ULK4: variants seen among roughly 807,000 people sequenced by gnomAD.
ULK4 encodes the protein unc-51 like kinase 4.
Under a neutral mutation model 160.6 loss-of-function variants are expected in ULK4, and 133 were observed. That is an observed-to-expected ratio of 0.83 (90% CI 0.72 to 0.96). The LOEUF (loss-of-function observed/expected upper bound fraction) is 0.96, where lower values mean the gene tolerates loss of function less well. ULK4 is among the 40% of genes least tolerant of loss of function. The probability of loss-of-function intolerance (pLI) is 0.00; values close to 1 mark genes in which losing one functional copy is unlikely to be tolerated. For missense variants in ULK4, 1,580 were observed against 1,499.5 expected, an observed-to-expected ratio of 1.05 and a Z score of -0.89; for synonymous variants, 534 against 539.8, an observed-to-expected ratio of 0.99 and a Z score of 0.15.
chr3:41,581,627 G>A (rs2125630894), intron 31 of ULK4, among the ~76,000 whole-genome samples: 1 of 152,258 alleles, frequency 6.6e-6, no homozygotes, highest in African/African-American at 2.4e-5. Context: ...ATGAACAGCA[G>A]GCTAGGCCAG....
Position 41,895,555 on chromosome 3 carries a change from G to A in ULK4, c.1540C>T (p.Leu514=). The A allele has an allele frequency of 6.6e-7, 1 of 1,510,048 alleles. No individual in the cohort carries two copies. The highest frequency in any genetic ancestry group is 8.9e-7 in the Non-Finnish European group (1 of 1,129,092). The allele number at this position is 1,510,048 out of a possible 1,614,324, so 93.5% of individuals were successfully genotyped here. The change falls in exon 16 of 37, where the codon CTA becomes TTA. Residue 514 remains leucine (L), a synonymous_variant. Coordinates refer to ENST00000301831, the MANE Select transcript of ULK4 (RefSeq NM_017886.4). ...RLLHSPLFQL[L]IQHLRIAPNW... ...GGAGCTATCCGCAAATGCTGGATTAGCAATTGGAACTAGAATAAGAAATTT... is the reference window on the plus strand; with the variant it reads ...GGAGCTATCCGCAAATGCTGGATTAACAATTGGAACTAGAATAAGAAATTT...
At chr3:41,577,948 G>A (rs907220598) in intron 31 of ULK4, among the ~76,000 whole-genome samples, 1 of 152,322 alleles carries the variant, frequency 6.6e-6, no homozygotes, top group African/African-American at 2.4e-5. Context: ...GCTCCCTGGA[G>A]CTGCACATTT....
chr3:41,749,940 G>A (rs115408521), intron 22 of ULK4, among the ~76,000 whole-genome samples: 426 of 152,132 alleles, frequency 2.8e-3, no homozygotes, highest in African/African-American at 9.8e-3. Flanking sequence ...CAATGAAGAA[G>A]GACAGATTCC....
At chr3:41,499,047 G>C (rs1042120083) in intron 32 of ULK4, among the ~76,000 whole-genome samples, 1 of 151,788 alleles carries the variant, frequency 6.6e-6, no homozygotes, top group Admixed American at 6.6e-5. Context: ...AAAATGCTGT[G>C]GTAAGTGAAA....
intron 22 of ULK4, among the ~76,000 whole-genome samples, chr3:41,751,542 G>T (rs1433823704): frequency 2.0e-5 from 3 of 152,134 alleles, no homozygotes; most frequent in Non-Finnish European, 2.9e-5. Context: ...AAGAGTGGAG[G>T]TCAGTGTCAG....
chr3:41,894,054 A>G (rs1698067671), intron 16 of ULK4, among the ~76,000 whole-genome samples: 1 of 152,182 alleles, frequency 6.6e-6, no homozygotes, highest in East Asian at 1.9e-4. Flanking sequence ...TCAATTTTTA[A>G]AAGTGGGGGA....
rs1270855672 is a variant in ULK4 at position 41,681,549 on chromosome 3, G to A, written c.2937C>T (p.Asp979=). Residue 979 remains aspartate (D), a synonymous_variant, in exon 29 of 37, where the codon GAC becomes GAT. Coordinates refer to ENST00000301831, the MANE Select transcript of ULK4 (RefSeq NM_017886.4). ...DGKEKASVDS[D]SNLLALIRDV... Reference sequence around the variant, plus strand: ...CTCGAATGAGAGCCAGAAGATTGCTGTCAGAATCAACACTGGCCTTCTCCT... The same window carrying A: ...CTCGAATGAGAGCCAGAAGATTGCTATCAGAATCAACACTGGCCTTCTCCT... The A allele has an allele frequency of 6.2e-7, 1 of 1,614,014 alleles. No individual in the cohort carries two copies. The highest frequency in any genetic ancestry group is 1.7e-5 in the Admixed American group (1 of 59,976).
At chr3:41,376,572 C>T (rs1241996751) in intron 35 of ULK4, among the ~76,000 whole-genome samples, 1 of 149,760 alleles carries the variant, frequency 6.7e-6, no homozygotes, top group Non-Finnish European at 1.5e-5. Flanking sequence ...CATTCTTATA[C>T]ACCAATAACA....
intron 22 of ULK4, among the ~76,000 whole-genome samples, chr3:41,732,409 T>C (rs2037861987): frequency 6.6e-6 from 1 of 151,982 alleles, no homozygotes; most frequent in Admixed American, 6.6e-5. Flanking sequence ...AAAACCACAA[T>C]GAGGTATCAC....
chr3:41,318,381 A>C (rs777822019), intron 35 of ULK4, among the ~76,000 whole-genome samples: 37 of 152,322 alleles, frequency 2.4e-4, no homozygotes, highest in Non-Finnish European at 4.7e-4. Flanking sequence ...TGCATATTTT[A>C]GTAAAAATAT....
chr3:41,523,927 T>TA (rs892381202), intron 32 of ULK4, among the ~76,000 whole-genome samples: 8 of 151,714 alleles, frequency 5.3e-5, no homozygotes, highest in East Asian at 1.9e-4. Flanking sequence ...ATCCATATAA[T>TA]AAAAAAAAAT....
chr3:41,498,955 GA>G (rs2125914428), intron 32 of ULK4, among the ~76,000 whole-genome samples: 1 of 151,972 alleles, frequency 6.6e-6, no homozygotes, highest in South Asian at 2.1e-4. Flanking sequence ...TTAAGGAAAA[GA>G]AAAAACACAA....
chr3:41,549,609 A>G (rs1057340285), intron 32 of ULK4, among the ~76,000 whole-genome samples: 5 of 152,186 alleles, frequency 3.3e-5, no homozygotes, highest in Non-Finnish European at 7.4e-5. Context: ...AGGCAACAGC[A>G]TAGAAAAATC....
At chr3:41,331,551 A>G (rs561279540) in intron 35 of ULK4, among the ~76,000 whole-genome samples, 23 of 152,224 alleles carry the variant, frequency 1.5e-4, no homozygotes, top group Non-Finnish European at 3.2e-4. Flanking sequence ...CAGGATACCG[A>G]AAGTGTCACA....
chr3:41,958,961 C>T (rs1360781130), intron 1 of ULK4, among the ~76,000 whole-genome samples: 1 of 152,136 alleles, frequency 6.6e-6, no homozygotes, highest in East Asian at 1.9e-4. Context: ...GGTGCAATGA[C>T]TCACGTCTAT....
intron 35 of ULK4, among the ~76,000 whole-genome samples, chr3:41,285,611 G>C (rs2079441932): frequency 6.6e-6 from 1 of 152,178 alleles, no homozygotes; most frequent in African/African-American, 2.4e-5. Context: ...AGGGAGGCGA[G>C]TGATAAAAGA....
intron 22 of ULK4, among the ~76,000 whole-genome samples, chr3:41,741,469 T>C (rs559204268): frequency 6.6e-6 from 1 of 152,066 alleles, no homozygotes; most frequent in East Asian, 1.9e-4. Flanking sequence ...TATTGAAGCA[T>C]TTCAATACCA....
At chr3:41,819,302 A>C in intron 19 of ULK4, 121 bp downstream of exon 19, 1 of 854,034 alleles carries the variant, frequency 1.2e-6, no homozygotes, top group Non-Finnish European at 1.7e-6. Context: ...GGGATTATTT[A>C]AATTCAGGAG....
chr3:41,883,056 G>A (rs1311249399), intron 17 of ULK4, among the ~76,000 whole-genome samples: 2 of 152,138 alleles, frequency 1.3e-5, no homozygotes, highest in Non-Finnish European at 2.9e-5. Flanking sequence ...CAGTTTGCAG[G>A]AAATAGAGAT....
Sources: allele counts gnomAD v4.1 joint callset (sites outside exome capture counted in the v4.1 genomes callset), GRCh38; gene constraint gnomAD v4.1.1; transcripts MANE v1.5; gene names NCBI Gene and HGNC (gene_info 2026-07-23, HGNC 2026-07-21).